BPIFB3: variants seen among roughly 807,000 people sequenced by gnomAD.
The protein encoded by BPIFB3 is BPI fold-containing family B member 3.
BPIFB3 carries 49 observed loss-of-function variants against 53.1 expected under a neutral mutation model. The observed-to-expected ratio is 0.92, with a 90% CI of 0.73 to 1.17. The LOEUF is 1.17. Ranked by LOEUF, BPIFB3 falls within the 50% of genes most tolerant of loss-of-function variation. The probability of loss-of-function intolerance (pLI) is 0.00; values close to 1 mark genes in which losing one functional copy is unlikely to be tolerated. For synonymous variants in BPIFB3, 271 were observed against 269.6 expected, an observed-to-expected ratio of 1.01 and a Z score of -0.05; for missense variants, 628 against 592.5, an observed-to-expected ratio of 1.06 and a Z score of -0.62.
At chr20:33,069,768 C>A in intron 10 of BPIFB3, 120 bp from the exon 12 acceptor site, 3 of 991,692 alleles carry the variant, frequency 3.0e-6, no homozygotes, top group East Asian at 2.4e-5. Flanking sequence ...TCAGCACAGA[C>A]CCTGACACAC....
rs1375376596 is a variant in BPIFB3 at position 33,055,427 on chromosome 20, C to T, written c.4C>T (p.Gln2Ter). The T allele has an allele frequency of 2.5e-6, 4 of 1,613,362 alleles. No homozygotes were observed. Among genetic ancestry groups the T allele is most frequent in the Admixed American group, 3.3e-5 (2 of 60,010 alleles). Reference sequence around the variant, plus strand: ...CCTCCTTCTGCTCCTTATAGGCATGCAGCCAGTCATGCTGGCCCTGTGGTC... The same window carrying T: ...CCTCCTTCTGCTCCTTATAGGCATGTAGCCAGTCATGCTGGCCCTGTGGTC... The change falls in exon 1 of 15, where the codon CAG becomes TAG. Residue 2 changes from glutamine (Q) to a stop codon, truncating the protein, a stop_gained. The change creates a premature stop within an existing upstream ORF in the 5' untranslated region. Coordinates refer to ENST00000375494, the Ensembl canonical transcript of BPIFB3. LOFTEE classifies it high-confidence loss of function.
At position 33,070,079 on chromosome 20, in the gene BPIFB3, C is replaced by T. The variant is rs1433090534; in HGVS notation, c.1217+124C>T. On this transcript the variant is annotated intron_variant, in intron 11 of 14. Transcript: ENST00000375494. ...ATTCCAGGTGTTTTTCCAGCATCCT[C>T]CTTGCCTTCAGGACCCGCCAGGGAG... is the stretch of plus-strand genomic sequence containing the variant. 6.1e-6 allele frequency: 7 copies of T among 1,156,862 alleles called. No individual in the cohort carries two copies. In the Admixed American group the frequency reaches 1.1e-4, roughly 17 times the overall value. 71.7% of individuals were successfully genotyped at this position (1,156,862 alleles called of 1,614,324 possible). A position where few individuals can be genotyped will look rare whatever the true frequency, so the allele number is the denominator to read the frequency against.
At chr20:33,070,771 C>T (rs1341910801) in intron 11 of BPIFB3, among the ~76,000 whole-genome samples, 2 of 152,254 alleles carry the variant, frequency 1.3e-5, no homozygotes, top group Non-Finnish European at 2.9e-5. Flanking sequence ...AGGGCCTCGC[C>T]TGCTGCCTGG....
chr20:33,054,908 G>T (rs1443215887), upstream of BPIFB3, among the ~76,000 whole-genome samples: 1 of 152,182 alleles, frequency 6.6e-6, no homozygotes, highest in Non-Finnish European at 1.5e-5. Flanking sequence ...CTAAGTGTTG[G>T]GTGTCCCCAG....
chr20:33,072,268 G>C (rs1406439192), intron 13 of BPIFB3, 101 bp downstream of exon 14: 11 of 1,248,702 alleles, frequency 8.8e-6, no homozygotes, highest in Non-Finnish European at 1.3e-5. Context: ...ACTGAGGCCA[G>C]AGAGAGAGGT....
intron 11 of BPIFB3, 90 bp from the exon 13 acceptor site, chr20:33,071,163 G>GAT: frequency 8.7e-7 from 1 of 1,143,536 alleles, no homozygotes; most frequent in Non-Finnish European, 1.2e-6. Context: ...CCTGTTTCCT[G>GAT]ATGATGAGAG....
upstream of BPIFB3, among the ~76,000 whole-genome samples, chr20:33,055,001 G>C (rs396008): frequency 0.11 from 16,664 of 152,262 alleles, 951 homozygotes; most frequent in Middle Eastern, 0.15. Flanking sequence ...TGTCCTGGAG[G>C]GGGAAGCCCC....
intron 14 of BPIFB3, among the ~76,000 whole-genome samples, chr20:33,073,299 C>T (rs1279292157): frequency 1.3e-5 from 2 of 152,180 alleles, no homozygotes; most frequent in African/African-American, 2.4e-5. Flanking sequence ...ACCCATTTCT[C>T]AGATGAGGAC....
intron 2 of BPIFB3, among the ~76,000 whole-genome samples, chr20:33,058,540 A>T (rs1980311181): frequency 1.3e-5 from 2 of 152,094 alleles, no homozygotes; most frequent in Non-Finnish European, 2.9e-5. Context: ...GCTGAAATAG[A>T]GCCGGGCAGA....
At chr20:33,058,269 C>T (rs1423940641) in intron 2 of BPIFB3, among the ~76,000 whole-genome samples, 2 of 152,162 alleles carry the variant, frequency 1.3e-5, no homozygotes, top group Non-Finnish European at 2.9e-5. Context: ...CTTCCCTAAA[C>T]GGAACATAAT....
upstream of BPIFB3, among the ~76,000 whole-genome samples, chr20:33,054,508 G>A (rs368310977): frequency 3.3e-5 from 5 of 152,176 alleles, no homozygotes; most frequent in Admixed American, 2.0e-4. Context: ...ATGTTTATCC[G>A]GAATCTCAAT....
chr20:33,054,222 C>G (rs762067868), upstream of BPIFB3, among the ~76,000 whole-genome samples: 5 of 151,804 alleles, frequency 3.3e-5, no homozygotes, highest in Non-Finnish European at 5.9e-5. Flanking sequence ...GGAGAGAGTT[C>G]CAGGAGTGCC....
At position 33,064,478 on chromosome 20, in the gene BPIFB3, T is replaced by C. The variant is rs756963034; in HGVS notation, c.674T>C (p.Leu225Pro). ...GCAGGCCTGGTGTCCCTTGGGGCTCTTGGGTCCGTGGAATTCTCTCTGGCC... is the reference window on the plus strand; with the variant it reads ...GCAGGCCTGGTGTCCCTTGGGGCTCCTGGGTCCGTGGAATTCTCTCTGGCC... Residue 225 changes from leucine to proline, a missense_variant, in exon 7 of 15, where the codon CTT becomes CCT. By Grantham distance (98) the Leu-to-Pro change is moderately conservative. Coordinates refer to ENST00000375494, the Ensembl canonical transcript of BPIFB3. 8 of 1,614,132 alleles carry C rather than the reference T, an allele frequency of 5.0e-6. No homozygotes were observed. The South Asian group carries it at 7.7e-5, about 16-fold the overall frequency.
chr20:33,061,347 C>T (rs1980445431), intron 4 of BPIFB3, among the ~76,000 whole-genome samples: 1 of 150,526 alleles, frequency 6.6e-6, no homozygotes, highest in South Asian at 2.1e-4. Context: ...ATCATTCATT[C>T]ATTCATTCAT....
intron 4 of BPIFB3, among the ~76,000 whole-genome samples, chr20:33,061,014 C>G (rs1001700652): frequency 5.3e-5 from 8 of 152,232 alleles, no homozygotes; most frequent in African/African-American, 1.9e-4. Context: ...CAGCTGCCTC[C>G]CACTTGTGTC....
intron 11 of BPIFB3, among the ~76,000 whole-genome samples, chr20:33,070,549 G>A (rs913123602): frequency 3.3e-5 from 5 of 152,214 alleles, no homozygotes; most frequent in Admixed American, 6.5e-5. Context: ...GAGCAGGTCT[G>A]CAGTCTGGGC....
chr20:33,063,493 C>A, intron 5 of BPIFB3, 122 bp from the exon 7 acceptor site: 1 of 1,034,438 alleles, frequency 9.7e-7, no homozygotes, highest in Non-Finnish European at 1.5e-6. Context: ...TCTGTCTCTG[C>A]CTTCCGCCTT....
chr20:33,063,662 G>A (rs762306762), exon 6 of BPIFB3: 8 of 1,613,800 alleles, frequency 5.0e-6, no homozygotes, highest in Non-Finnish European at 8.5e-7. Flanking sequence ...ATGAGCTCCT[G>A]GGGGCTGTGC....
At chr20:33,069,920 G>A (rs368164662) in exon 11 of BPIFB3, 42 of 1,613,992 alleles carry the variant, frequency 2.6e-5, no homozygotes, top group African/African-American at 2.4e-4. Flanking sequence ...TGGCTCCCTC[G>A]GCTACCAAGC....
Sources: allele counts gnomAD v4.1 joint callset (sites outside exome capture counted in the v4.1 genomes callset), GRCh38; gene constraint gnomAD v4.1.1; transcripts MANE v1.5; gene names NCBI Gene and HGNC (gene_info 2026-07-23, HGNC 2026-07-21).